DISP1: variants seen among roughly 807,000 people sequenced by gnomAD.
DISP1 encodes protein dispatched homolog 1.
A neutral mutation model predicts 37.3 loss-of-function variants in DISP1; 30 were observed. That is an observed-to-expected ratio of 0.80 (90% CI 0.60 to 1.09). The LOEUF is 1.09. DISP1 is among the 50% of genes least tolerant of loss of function. DISP1 has a pLI of 0.00. For synonymous variants in DISP1, 634 were observed against 690.2 expected (o/e 0.92, Z 1.28); for missense variants, 1,598 against 1,879.5 (o/e 0.85, Z 2.77).
chr1:222,925,946 T>A (rs1250734182), intron 1 of DISP1, among the ~76,000 whole-genome samples: 1 of 152,188 alleles, frequency 6.6e-6, no homozygotes, highest in East Asian at 1.9e-4. Flanking sequence ...TCCGAAAAAA[T>A]TCACCATTTT....
At chr1:222,869,974 G>A (rs1252215144) in intron 1 of DISP1, among the ~76,000 whole-genome samples, 2 of 150,528 alleles carry the variant, frequency 1.3e-5, no homozygotes, top group Admixed American at 1.3e-4. Context: ...AGTGTGTGAT[G>A]TTCCCCTTCC....
At chr1:222,993,149 AGCCACC>A (rs1165953995) in intron 7 of DISP1, among the ~76,000 whole-genome samples, 9 of 152,104 alleles carry the variant, frequency 5.9e-5, no homozygotes, top group Non-Finnish European at 1.2e-4. Context: ...TACAGGCATG[AGCCACC>A]GCACCTGGCC....
intron 4 of DISP1, chr1:222,989,541 T>C: frequency 1.0e-6 from 1 of 985,354 alleles, no homozygotes; most frequent in Non-Finnish European, 1.2e-6. Context: ...AATGAGGGTG[T>C]GGGAAGCGCA....
chr1:222,995,550 G>A (rs1289760166), intron 8 of DISP1, among the ~76,000 whole-genome samples: 1 of 152,164 alleles, frequency 6.6e-6, no homozygotes, highest in Non-Finnish European at 1.5e-5. Flanking sequence ...TTGCTGCTTC[G>A]GGAGACACCG....
chr1:222,924,909 GTC>G (rs1301971426), intron 1 of DISP1, among the ~76,000 whole-genome samples: 4 of 152,062 alleles, frequency 2.6e-5, no homozygotes, highest in Non-Finnish European at 5.9e-5. Flanking sequence ...GCAGGCTCTA[GTC>G]TCTTTTTCCC....
chr1:222,933,551 A>G (rs528493928), intron 2 of DISP1, among the ~76,000 whole-genome samples: 3 of 152,050 alleles, frequency 2.0e-5, no homozygotes, highest in African/African-American at 7.2e-5. Flanking sequence ...GGCTCTTATG[A>G]AATATTTAGT....
chr1:222,976,465 T>G (rs1677336755), intron 3 of DISP1, among the ~76,000 whole-genome samples: 1 of 152,068 alleles, frequency 6.6e-6, no homozygotes, highest in African/African-American at 2.4e-5. Context: ...GGTTTGGGTG[T>G]TTCCATCATC....
At chr1:222,866,567 A>T (rs1234863490) in intron 1 of DISP1, among the ~76,000 whole-genome samples, 4 of 151,820 alleles carry the variant, frequency 2.6e-5, no homozygotes, top group African/African-American at 4.8e-5. Flanking sequence ...CTGGTCTCGA[A>T]CTCCTGACCT....
chr1:223,000,631 C>T (rs528187333), intron 8 of DISP1, among the ~76,000 whole-genome samples: 3 of 152,230 alleles, frequency 2.0e-5, no homozygotes, highest in South Asian at 2.1e-4. Flanking sequence ...AATGGACTGT[C>T]GAAATAGGAC....
intron 8 of DISP1, among the ~76,000 whole-genome samples, chr1:222,999,796 G>A (rs1679311670): frequency 6.6e-6 from 1 of 152,158 alleles, no homozygotes; most frequent in Admixed American, 6.5e-5. Context: ...ATCCAACTCA[G>A]GGTAGAGAAA....
intron 1 of DISP1, among the ~76,000 whole-genome samples, chr1:222,891,651 G>T (rs758096574): frequency 6.6e-6 from 1 of 152,300 alleles, no homozygotes; most frequent in South Asian, 2.1e-4. Flanking sequence ...AACCAAGCTA[G>T]AAGAGAGTTT....
intron 3 of DISP1, among the ~76,000 whole-genome samples, chr1:222,970,267 C>G (rs931995180): frequency 1.3e-5 from 2 of 152,112 alleles, no homozygotes; most frequent in African/African-American, 4.8e-5. Context: ...CAATCTCCAC[C>G]TTCATCTAAG....
rs927880763 is a variant in DISP1, at chr1:222,894,296, C to G, written c.-158-34134C>G. Among the ~76,000 whole-genome samples the G allele has an allele frequency of 5.3e-5, 8 of 152,252 alleles. 1 individual carries two copies. The South Asian group carries it at 1.7e-3, about 32-fold the overall frequency. On this transcript the variant is annotated intron_variant, in intron 1 of 8. Coordinates refer to ENST00000675850, the MANE Select transcript of DISP1 (RefSeq NM_001377229.1). ...CAGGAGCCAGTCTGCCTCCTGACAC[C>G]GTAAGTCACTTTAGTCCATCGCGCC...
intron 1 of DISP1, among the ~76,000 whole-genome samples, chr1:222,836,758 T>A (rs150712336): frequency 7.7e-5 from 11 of 142,796 alleles, no homozygotes; most frequent in African/African-American, 2.3e-4. Context: ...TATATATATA[T>A]ATATACACAC....
chr1:222,979,417 T>A (rs1677665413), intron 3 of DISP1, among the ~76,000 whole-genome samples: 1 of 148,460 alleles, frequency 6.7e-6, no homozygotes, highest in African/African-American at 2.5e-5. Flanking sequence ...AAAAAAAAAA[T>A]TTAAATTTAA....
intron 1 of DISP1, among the ~76,000 whole-genome samples, chr1:222,887,287 T>C (rs1670648923): frequency 6.6e-6 from 1 of 152,138 alleles, no homozygotes; most frequent in Non-Finnish European, 1.5e-5. Context: ...CAAGCCCTTA[T>C]TTTCCTGCCT....
At chr1:222,899,627 G>GTTGTC (rs779418634) in intron 1 of DISP1, among the ~76,000 whole-genome samples, 4 of 152,118 alleles carry the variant, frequency 2.6e-5, no homozygotes, top group Non-Finnish European at 5.9e-5. Flanking sequence ...TGTCTAGGCT[G>GTTGTC]TAGTGCAGTG....
intron 3 of DISP1, among the ~76,000 whole-genome samples, chr1:222,968,787 G>T (rs1676693390): frequency 6.6e-6 from 1 of 151,902 alleles, no homozygotes; most frequent in East Asian, 1.9e-4. Context: ...TACAAAATTA[G>T]CCAGGCATGG....
Position 223,004,588 on chromosome 1 carries a change from C to T in DISP1, c.3191C>T (p.Pro1064Leu), listed in dbSNP as rs1260302134. The T allele has an allele frequency of 6.2e-7, 1 of 1,614,150 alleles. No homozygotes were observed. Among genetic ancestry groups the T allele is most frequent in the South Asian group, 1.1e-5 (1 of 91,070 alleles). ...TATGGGGTTGCCTACCGCTTGGCTC[C>T]AGATCCCGACCGAGAAGGCAAAGTG... ...VHYGVAYRLAPDPDREGKVIF... is the reference protein window; with the variant it reads ...VHYGVAYRLALDPDREGKVIF... Residue 1064 changes from proline (P) to leucine (L), a missense_variant, in exon 9 of 9, where the codon CCA (proline) becomes CTA (leucine). Coordinates refer to ENST00000675850, the MANE Select transcript of DISP1 (RefSeq NM_001377229.1). This position sits in a 1 kb window ranked among gnomAD's most constrained non-coding sequence, Gnocchi z 4.9.
Sources: gnomAD v4.1 joint callset for allele counts (sites outside exome capture counted in the v4.1 genomes callset) on GRCh38, gnomAD v4.1.1 for gene constraint, Gnocchi (gnomAD v3.1) non-coding constraint, MANE v1.5 for transcripts, NCBI Gene and HGNC (gene_info 2026-07-23, HGNC 2026-07-21) for gene names.